NCKAP5: variants seen among roughly 807,000 people sequenced by gnomAD.
NCKAP5 encodes the protein NCK associated protein 5.
A neutral mutation model predicts 167.0 loss-of-function variants in NCKAP5; 92 were observed. The observed-to-expected ratio is 0.55, with a 90% CI of 0.47 to 0.66. NCKAP5 has a LOEUF of 0.66. NCKAP5 is among the 30% of genes least tolerant of loss of function. NCKAP5 has a pLI of 0.00. For missense variants in NCKAP5, 2,378 were observed against 2,315.0 expected (o/e 1.03, Z -0.56); for synonymous variants, 891 against 877.4 (o/e 1.02, Z -0.27).
At chr2:133,034,980 C>T (rs555638119) in intron 6 of NCKAP5, among the ~76,000 whole-genome samples, 14 of 151,738 alleles carry the variant, frequency 9.2e-5, no homozygotes, top group Admixed American at 2.6e-4. Context: ...GCTGAATAAA[C>T]GAAAAAAGAA....
intron 3 of NCKAP5, among the ~76,000 whole-genome samples, chr2:133,456,284 G>A (rs1691854698): frequency 6.6e-6 from 1 of 152,156 alleles, no homozygotes; most frequent in South Asian, 2.1e-4. Context: ...TAGCAATTAT[G>A]ATGTAAGTAG....
At chr2:133,105,199 C>T (rs1363929105) in intron 6 of NCKAP5, among the ~76,000 whole-genome samples, 1 of 152,218 alleles carries the variant, frequency 6.6e-6, no homozygotes, top group Non-Finnish European at 1.5e-5. Context: ...CTTATTTCCT[C>T]ATTAAAAATT....
chr2:133,340,820 C>T (rs1432769653), intron 3 of NCKAP5, among the ~76,000 whole-genome samples: 3 of 152,136 alleles, frequency 2.0e-5, no homozygotes, highest in African/African-American at 7.2e-5. Context: ...GAAAACAAGA[C>T]ATTGTATCAC....
At chr2:133,445,786 G>A (rs190582185) in intron 3 of NCKAP5, among the ~76,000 whole-genome samples, 5 of 152,190 alleles carry the variant, frequency 3.3e-5, no homozygotes, top group Admixed American at 6.5e-5. Context: ...GGGAAGGGAA[G>A]CTAAGAATTT....
In NCKAP5 at chr2:132,783,881, A is replaced by G. The variant is rs12691830; in HGVS notation, c.2930T>C (p.Ile977Thr). 0.54 allele frequency: 824,291 copies of G among 1,535,264 alleles called. 229,100 individuals are homozygous for G. Among genetic ancestry groups the G allele is most frequent in the East Asian group, 0.91 (40,083 of 44,264 alleles). ...ATTAGAAGAAATAACTGGAGCAGAA[A>G]TTCCTTTCAGCAGCGGGGATTTGAA... ...TPFKSPLLKG[I>T]SAPVISSNPA... Residue 977 changes from isoleucine to threonine, a missense_variant, in exon 14 of 20, where the codon ATT (isoleucine) becomes ACT (threonine). Physicochemically the swap from Ile to Thr is moderately conservative, Grantham distance 89 (BLOSUM62 -1). This residue lies in a region of NCKAP5 where 1,325 missense variants were observed against 1,274.5 expected (regional missense o/e 1.04). Coordinates refer to ENST00000409261, the MANE Select transcript of NCKAP5 (RefSeq NM_207363.3).
chr2:133,116,380 C>T lies in NCKAP5; in HGVS notation c.341+13598G>A, dbSNP rs1479467324. Among the ~76,000 whole-genome samples, 6 of 114,814 alleles carry T rather than the reference C, an allele frequency of 5.2e-5. 1 individual carries two copies. The highest frequency in any genetic ancestry group is 4.1e-4 in the East Asian group (1 of 2,420). 75.3% of individuals were successfully genotyped at this position (114,814 alleles called of 152,430 possible). ...GCGGGCGCCTGTAGTCCCAGCTACT[C>T]GGGAGGCTGAGGCAGGAGAATGGCG... On this transcript the variant is annotated intron_variant, in intron 6 of 19. Coordinates refer to ENST00000409261, the MANE Select transcript of NCKAP5 (RefSeq NM_207363.3).
chr2:132,883,299 T>G (rs903307272), intron 8 of NCKAP5, among the ~76,000 whole-genome samples: 3 of 151,846 alleles, frequency 2.0e-5, no homozygotes, highest in Non-Finnish European at 4.4e-5. Context: ...TTTCTTCCTT[T>G]CTCTCCTTTT....
At chr2:133,453,217 T>A (rs951432080) in intron 3 of NCKAP5, among the ~76,000 whole-genome samples, 1 of 152,168 alleles carries the variant, frequency 6.6e-6, no homozygotes, top group Admixed American at 6.6e-5. Flanking sequence ...AATCAGGAAG[T>A]ATGTAACTAG....
intron 8 of NCKAP5, among the ~76,000 whole-genome samples, chr2:132,922,051 A>C (rs1695475103): frequency 6.6e-6 from 1 of 152,184 alleles, no homozygotes; most frequent in Non-Finnish European, 1.5e-5. Flanking sequence ...AGAACAGAGC[A>C]GAGAGATGGA....
intron 3 of NCKAP5, 59 bp from the exon 4 acceptor site, chr2:133,303,169 A>G: frequency 8.5e-7 from 1 of 1,174,146 alleles, no homozygotes; most frequent in Non-Finnish European, 1.2e-6. Context: ...CCATCCTAAG[A>G]CCCTGACCTT....
At chr2:132,688,662 A>G (rs1686286373) in intron 19 of NCKAP5, among the ~76,000 whole-genome samples, 1 of 152,046 alleles carries the variant, frequency 6.6e-6, no homozygotes, top group African/African-American at 2.4e-5. Flanking sequence ...ACCTGGGGGA[A>G]GGGGAGGTGC....
chr2:133,573,583 G>C, the NCKAP5 span, among the ~76,000 whole-genome samples: 128 of 152,314 alleles, frequency 8.4e-4, no homozygotes, highest in African/African-American at 2.9e-3. Flanking sequence ...GGGAGGCACA[G>C]TGAGGGTTAA....
intron 6 of NCKAP5, chr2:133,122,763 A>C (rs932194255): frequency 6.6e-6 from 1 of 152,214 alleles, no homozygotes; most frequent in Admixed American, 6.5e-5. Context: ...ACAATAAGAC[A>C]GTCTCCTCCA....
chr2:133,060,921 T>G (rs2079976746), intron 6 of NCKAP5, among the ~76,000 whole-genome samples: 1 of 152,190 alleles, frequency 6.6e-6, no homozygotes, highest in Non-Finnish European at 1.5e-5. Context: ...ATAGGCCTTC[T>G]GATGAATCCA....
chr2:133,212,674 G>A (rs536862426), intron 5 of NCKAP5, among the ~76,000 whole-genome samples: 2 of 152,246 alleles, frequency 1.3e-5, no homozygotes, highest in African/African-American at 4.8e-5. Flanking sequence ...AGCCGTGAAT[G>A]TTTCTTCATA....
intron 3 of NCKAP5, among the ~76,000 whole-genome samples, chr2:133,474,957 C>T (rs557018092): frequency 4.2e-4 from 64 of 152,160 alleles, no homozygotes; most frequent in African/African-American, 1.3e-3. Flanking sequence ...ATTACAGGTG[C>T]GTGCCACCAA....
intron 3 of NCKAP5, among the ~76,000 whole-genome samples, chr2:133,490,946 C>A (rs1259668071): frequency 6.6e-6 from 1 of 152,146 alleles, no homozygotes; most frequent in Non-Finnish European, 1.5e-5. Flanking sequence ...AAGGAGAGAT[C>A]TAAAGTAGGT....
intron 11 of NCKAP5, among the ~76,000 whole-genome samples, chr2:132,818,241 G>A (rs1028899394): frequency 3.3e-5 from 5 of 152,316 alleles, no homozygotes; most frequent in South Asian, 2.1e-4. Flanking sequence ...TAGGATTACC[G>A]GTGTGACACC....
At chr2:133,125,148 T>C (rs1286027122) in intron 6 of NCKAP5, among the ~76,000 whole-genome samples, 2 of 152,048 alleles carry the variant, frequency 1.3e-5, no homozygotes, top group African/African-American at 2.4e-5. Flanking sequence ...CACAATTATA[T>C]ATATGAAATT....
Sources: gnomAD v4.1 joint callset for allele counts (sites outside exome capture counted in the v4.1 genomes callset) on GRCh38, gnomAD v4.1.1 for gene constraint, gnomAD v4.1.1 regional missense constraint, MANE v1.5 for transcripts, NCBI Gene and HGNC (gene_info 2026-07-23, HGNC 2026-07-21) for gene names.